Variants in NRG3 observed in about 807,000 individuals in gnomAD.
NRG3 encodes the protein neuregulin 3.
Under a neutral mutation model 66.9 loss-of-function variants are expected in NRG3, and 31 were observed. That is an observed-to-expected ratio of 0.46 (90% CI 0.35 to 0.63). The LOEUF is 0.63. NRG3 is among the 20% of genes least tolerant of loss of function. NRG3 has a pLI of 0.00. For missense variants in NRG3, 910 were observed against 878.9 expected (o/e 1.04, Z -0.45); for synonymous variants, 393 against 359.4 (o/e 1.09, Z -1.06).
chr10:82,275,642 T>G (rs2078810618), intron 1 of NRG3, among the ~76,000 whole-genome samples: 1 of 151,962 alleles, frequency 6.6e-6, no homozygotes, highest in African/African-American at 2.4e-5. Context: ...TTCCAAATGA[T>G]TTCCCTATTG....
At chr10:82,909,554 G>A (rs1401834255) in intron 4 of NRG3, among the ~76,000 whole-genome samples, 1 of 152,082 alleles carries the variant, frequency 6.6e-6, no homozygotes, top group Non-Finnish European at 1.5e-5. Flanking sequence ...GGTATTTTCT[G>A]TGCACACCTA....
intron 1 of NRG3, among the ~76,000 whole-genome samples, chr10:82,059,833 C>A (rs949643746): frequency 6.6e-6 from 1 of 152,138 alleles, no homozygotes; most frequent in Admixed American, 6.6e-5. Context: ...TACAAGGACA[C>A]CTTCATGTCC....
At chr10:82,038,022 G>A (rs185041348) in intron 1 of NRG3, among the ~76,000 whole-genome samples, 14 of 151,670 alleles carry the variant, frequency 9.2e-5, no homozygotes, top group South Asian at 2.1e-4. Flanking sequence ...TTCAAATCTC[G>A]GAAAACCCAA....
intron 3 of NRG3, among the ~76,000 whole-genome samples, chr10:82,858,942 CTTTTTT>C (rs534067829): frequency 4.0e-4 from 50 of 124,224 alleles, no homozygotes; most frequent in Middle Eastern, 4.7e-3. Flanking sequence ...AGTAGTCTAA[CTTTTTT>C]TTTTTTTTTT....
chr10:82,272,733 T>C (rs1421273305), intron 1 of NRG3, among the ~76,000 whole-genome samples: 3 of 152,110 alleles, frequency 2.0e-5, no homozygotes, highest in Non-Finnish European at 2.9e-5. Context: ...GGCCCTGATC[T>C]GCTACATTAT....
intron 2 of NRG3, among the ~76,000 whole-genome samples, chr10:82,556,239 G>C (rs987139463): frequency 2.6e-5 from 4 of 151,936 alleles, no homozygotes; most frequent in African/African-American, 9.7e-5. Context: ...AAATTCCACA[G>C]GGCTCCTTCA....
At chr10:82,153,994 A>G (rs1160896077) in intron 1 of NRG3, among the ~76,000 whole-genome samples, 1 of 151,622 alleles carries the variant, frequency 6.6e-6, no homozygotes, top group East Asian at 1.9e-4. Flanking sequence ...GTTTGCCTAT[A>G]TTTTCTCCCA....
intron 1 of NRG3, among the ~76,000 whole-genome samples, chr10:82,242,885 C>T (rs940610821): frequency 2.0e-5 from 3 of 152,178 alleles, no homozygotes; most frequent in African/African-American, 4.8e-5. Flanking sequence ...CAGTCTGTTT[C>T]TCACTGATAC....
In NRG3 at chr10:82,017,948, A is replaced by G. The variant is rs2061866038; in HGVS notation, c.823+141785A>G. On this transcript the variant is annotated intron_variant, in intron 1 of 8. Transcript: ENST00000372141. ...TGCAGAAGCTCTTTAGTTTAATTAG[A>G]TCCCATTTGTCAATTGTGGCTTTTT... 2.0e-5 allele frequency among the ~76,000 whole-genome samples: 3 copies of G among 151,964 alleles called. No individual in the cohort carries two copies. The South Asian group carries it at 6.2e-4, about 31-fold the overall frequency.
chr10:81,909,248 A>C (rs561705739), intron 1 of NRG3, among the ~76,000 whole-genome samples: 3 of 152,174 alleles, frequency 2.0e-5, no homozygotes, highest in Admixed American at 2.0e-4. Flanking sequence ...CTTTTTTAAA[A>C]CACACTGGCC....
chr10:82,399,769 C>A (rs1488839544), intron 2 of NRG3, among the ~76,000 whole-genome samples: 3 of 152,200 alleles, frequency 2.0e-5, no homozygotes, highest in African/African-American at 7.2e-5. Flanking sequence ...CAATCTATAA[C>A]AGCAAGGCAT....
chr10:82,747,420 A>T (rs1319596791), intron 3 of NRG3, among the ~76,000 whole-genome samples: 1 of 152,024 alleles, frequency 6.6e-6, no homozygotes, highest in African/African-American at 2.4e-5. Flanking sequence ...ATATATTTTG[A>T]TAACTTTTCC....
intron 2 of NRG3, among the ~76,000 whole-genome samples, chr10:82,387,629 C>T (rs1223300993): frequency 6.6e-6 from 1 of 152,102 alleles, no homozygotes; most frequent in Non-Finnish European, 1.5e-5. Context: ...CTGTTCCTAC[C>T]AAGTCAATTG....
At chr10:82,089,323 ATGCAG>A (rs1564550610) in intron 1 of NRG3, among the ~76,000 whole-genome samples, 1 of 152,158 alleles carries the variant, frequency 6.6e-6, no homozygotes, top group Non-Finnish European at 1.5e-5. Flanking sequence ...AAGCTTCACA[ATGCAG>A]TGGCAGCTTG....
intron 4 of NRG3, among the ~76,000 whole-genome samples, chr10:82,906,352 G>A (rs183306765): frequency 2.2e-4 from 33 of 152,228 alleles, no homozygotes; most frequent in Admixed American, 1.8e-3. Context: ...AATACCTTGT[G>A]GCATAAGATC....
chr10:82,258,105 T>C (rs1320628915), intron 1 of NRG3, among the ~76,000 whole-genome samples: 1 of 152,214 alleles, frequency 6.6e-6, no homozygotes, highest in Non-Finnish European at 1.5e-5. Flanking sequence ...AACCGCTTTG[T>C]TATTTAATAG....
At chr10:81,975,208 A>C (rs78455340) in intron 1 of NRG3, among the ~76,000 whole-genome samples, 16,828 of 152,148 alleles carry the variant, frequency 0.11, 1,182 homozygotes, top group East Asian at 0.34. Flanking sequence ...AGGATCTCAG[A>C]GACAAATAAA....
intron 2 of NRG3, among the ~76,000 whole-genome samples, chr10:82,395,518 A>G (rs1428021559): frequency 6.6e-6 from 1 of 152,220 alleles, no homozygotes; most frequent in African/African-American, 2.4e-5. Context: ...AAACCAGAAT[A>G]AATAATATGG....
At chr10:82,820,979 A>T (rs1442314971) in intron 3 of NRG3, among the ~76,000 whole-genome samples, 1 of 152,238 alleles carries the variant, frequency 6.6e-6, no homozygotes, top group Non-Finnish European at 1.5e-5. Context: ...TTTTTGGTGC[A>T]CATTAAAAAG....
Sources: allele counts gnomAD v4.1 joint callset (sites outside exome capture counted in the v4.1 genomes callset), GRCh38; gene constraint gnomAD v4.1.1; transcripts MANE v1.5; gene names NCBI Gene and HGNC (gene_info 2026-07-23, HGNC 2026-07-21).